Variants in UBTD2 observed in about 807,000 individuals in gnomAD.
UBTD2 encodes the protein ubiquitin domain-containing protein 2.
UBTD2 carries 9 observed loss-of-function variants against 19.8 expected under a neutral mutation model. That is an observed-to-expected ratio of 0.46 (90% confidence interval 0.27 to 0.79). The LOEUF (loss-of-function observed/expected upper bound fraction) is 0.79. Ranked by LOEUF, UBTD2 falls within the 30% of genes least tolerant of loss-of-function variation. The probability of loss-of-function intolerance (pLI) is 0.14; values close to 1 mark genes in which losing one functional copy is unlikely to be tolerated. For synonymous variants in UBTD2, 98 were observed against 103.9 expected (o/e 0.94, Z 0.35); for missense variants, 250 against 300.4 (o/e 0.83, Z 1.24).
intron 1 of UBTD2, chr5:172,254,628 C>A: frequency 1.5e-6 from 1 of 645,890 alleles, no homozygotes; most frequent in Non-Finnish European, 2.8e-6. Context: ...ATCGTAATCA[C>A]ATCTGTGTAT....
intron 1 of UBTD2, among the ~76,000 whole-genome samples, chr5:172,279,313 A>G (rs184862590): frequency 9.3e-4 from 142 of 152,352 alleles, no homozygotes; most frequent in African/African-American, 3.1e-3. Flanking sequence ...TATCTATGAA[A>G]CAGAGATACT....
At chr5:172,257,024 C>A (rs1311532567) in intron 1 of UBTD2, among the ~76,000 whole-genome samples, 1 of 151,944 alleles carries the variant, frequency 6.6e-6, no homozygotes, top group Admixed American at 6.6e-5. Context: ...GGTATATGTG[C>A]AGGTTTGTTA....
chr5:172,227,375 A>G (rs1771791190), intron 2 of UBTD2, among the ~76,000 whole-genome samples: 1 of 152,128 alleles, frequency 6.6e-6, no homozygotes, highest in Non-Finnish European at 1.5e-5. Context: ...ATGATATAAC[A>G]TTTATTTTAT....
At chr5:172,245,931 A>T (rs1412215101) in intron 1 of UBTD2, among the ~76,000 whole-genome samples, 1 of 152,214 alleles carries the variant, frequency 6.6e-6, no homozygotes, top group East Asian at 1.9e-4. Context: ...CCAGATTTTT[A>T]TGAGGAAACA....
intron 1 of UBTD2, chr5:172,255,445 C>T: frequency 2.1e-6 from 1 of 471,498 alleles, no homozygotes; most frequent in Non-Finnish European, 4.3e-6. Flanking sequence ...TTCTTTTAAA[C>T]CTTCTAGGGT....
intron 2 of UBTD2, among the ~76,000 whole-genome samples, chr5:172,219,612 C>G (rs1423318522): frequency 6.6e-6 from 1 of 151,876 alleles, no homozygotes; most frequent in Non-Finnish European, 1.5e-5. Context: ...CCAAAAGAAG[C>G]CATAAAGTAC....
intron 2 of UBTD2, among the ~76,000 whole-genome samples, chr5:172,224,623 G>A (rs1306028632): frequency 6.6e-6 from 1 of 152,010 alleles, no homozygotes; most frequent in Non-Finnish European, 1.5e-5. Flanking sequence ...GACTCTTCCC[G>A]CTCTGCTCCT....
Position 172,212,226 on chromosome 5 carries a change from A to G in UBTD2, c.309T>C (p.Gly103=). ...IDGANITLPH[G]ALTECYDELG... is the part of the protein sequence containing the mutation. ...GTTCATCGTAGCACTCTGTAAGTGC[A>G]CCTTCAGAAAGAGAAGATATGAATA... Residue 103 remains glycine (G), a splice_region_variant and synonymous_variant, in exon 3 of 3, where the codon GGT becomes GGC. Transcript: ENST00000393792. The G allele has an allele frequency of 6.3e-7, 1 of 1,582,628 alleles. No individual in the cohort carries two copies. The highest frequency in any genetic ancestry group is 8.6e-7 in the Non-Finnish European group (1 of 1,161,576).
Position 172,212,058 on chromosome 5 carries a change from G to A in UBTD2, c.477C>T (p.Ser159=). Residue 159 remains serine, a synonymous_variant, in exon 3 of 3, where the codon TCC becomes TCT. Coordinates refer to ENST00000393792, the MANE Select transcript of UBTD2 (RefSeq NM_152277.3). ...CCACAAGCTTGAGGTCTTTGCCTGT[G>A]GAAAGGCGCAAACGAAGCTGACATT... ...GYECQLRLRL[S]TGKDLKLVVR... 6.2e-7 allele frequency: 1 copy of A among 1,614,202 alleles called. No homozygotes were observed. Among genetic ancestry groups the A allele is most frequent in the East Asian group, 2.2e-5 (1 of 44,890 alleles).
At chr5:172,257,817 T>G (rs1346287860) in intron 1 of UBTD2, among the ~76,000 whole-genome samples, 1 of 152,262 alleles carries the variant, frequency 6.6e-6, no homozygotes. Context: ...TGTCTTCTTT[T>G]GGTAAGTGTC....
intron 1 of UBTD2, among the ~76,000 whole-genome samples, chr5:172,265,977 A>G (rs370547568): frequency 5.3e-5 from 8 of 150,660 alleles, no homozygotes; most frequent in Admixed American, 5.3e-4. Context: ...TCTGTCACCC[A>G]GGCTGGAGTG....
At chr5:172,240,193 A>G (rs1419350630) in intron 1 of UBTD2, among the ~76,000 whole-genome samples, 2 of 152,182 alleles carry the variant, frequency 1.3e-5, no homozygotes, top group African/African-American at 2.4e-5. Flanking sequence ...TTGTGGAGAT[A>G]CCAACCATGA....
intron 1 of UBTD2, among the ~76,000 whole-genome samples, chr5:172,246,253 T>C (rs867283836): frequency 1.3e-5 from 2 of 151,772 alleles, no homozygotes; most frequent in Middle Eastern, 3.4e-3. Context: ...ATTCTATTTC[T>C]CAATAAATAA....
intron 1 of UBTD2, among the ~76,000 whole-genome samples, chr5:172,274,092 G>A (rs1309881016): frequency 6.6e-6 from 1 of 151,316 alleles, no homozygotes; most frequent in Non-Finnish European, 1.5e-5. Context: ...AGGGATACAA[G>A]GAGACTAAAT....
intron 1 of UBTD2, among the ~76,000 whole-genome samples, chr5:172,253,479 G>T: frequency 6.7e-6 from 1 of 149,338 alleles, no homozygotes; most frequent in Non-Finnish European, 1.5e-5. Context: ...TTTTGAGATG[G>T]AGTCTCACTC....
chr5:172,270,226 A>G, intron 1 of UBTD2, among the ~76,000 whole-genome samples: 1 of 151,364 alleles, frequency 6.6e-6, no homozygotes, highest in Non-Finnish European at 1.5e-5. Flanking sequence ...GACTACAGGC[A>G]CAGCTACCAC....
At chr5:172,276,045 G>A (rs537736152) in intron 1 of UBTD2, among the ~76,000 whole-genome samples, 2 of 152,134 alleles carry the variant, frequency 1.3e-5, no homozygotes, top group East Asian at 3.9e-4. Flanking sequence ...AAACATTAAT[G>A]TACATAGGAA....
chr5:172,218,775 CAAAAAA>C (rs1196929218), intron 2 of UBTD2, among the ~76,000 whole-genome samples: 7 of 50,488 alleles, frequency 1.4e-4, no homozygotes, highest in African/African-American at 5.0e-4. Context: ...ACCCTGTCAC[CAAAAAA>C]AAAAAAAATA....
At chr5:172,261,573 T>C (rs1755270844) in intron 1 of UBTD2, among the ~76,000 whole-genome samples, 1 of 151,966 alleles carries the variant, frequency 6.6e-6, no homozygotes, top group South Asian at 2.1e-4. Flanking sequence ...TTTTCTCTAC[T>C]TGACCCAGTT....
Sources: allele counts gnomAD v4.1 joint callset (sites outside exome capture counted in the v4.1 genomes callset), GRCh38; gene constraint gnomAD v4.1.1; transcripts MANE v1.5; gene names NCBI Gene and HGNC (gene_info 2026-07-23, HGNC 2026-07-21).